ZC3H6: variants seen among roughly 807,000 people sequenced by gnomAD.
ZC3H6 encodes the protein zinc finger CCCH-type containing 6.
Under a neutral mutation model 107.7 loss-of-function variants are expected in ZC3H6, and 40 were observed. The ratio of observed to expected loss-of-function variants is 0.37; its 90% CI spans 0.29 to 0.48. The LOEUF (loss-of-function observed/expected upper bound fraction) is 0.48, where lower values mean the gene tolerates loss of function less well. Among genes scored for constraint, ZC3H6 ranks in the 20% least tolerant of loss-of-function variants. The pLI is 0.98. For missense variants in ZC3H6, 1,267 were observed against 1,410.4 expected (o/e 0.90, Z 1.63); for synonymous variants, 493 against 487.9 (o/e 1.01, Z -0.14).
At chr2:112,307,643 T>C (rs1343596538) in intron 3 of ZC3H6, among the ~76,000 whole-genome samples, 1 of 152,138 alleles carries the variant, frequency 6.6e-6, no homozygotes, top group Non-Finnish European at 1.5e-5. Flanking sequence ...CTTCATTCAT[T>C]TCATGCTTCC....
chr2:112,299,059 C>T (rs1309880276), intron 1 of ZC3H6, among the ~76,000 whole-genome samples: 4 of 151,990 alleles, frequency 2.6e-5, no homozygotes, highest in African/African-American at 4.8e-5. Flanking sequence ...AGGCAGATCA[C>T]GAGGTCAGGA....
At chr2:112,300,839 T>C (rs1676360274) in intron 2 of ZC3H6, among the ~76,000 whole-genome samples, 1 of 152,176 alleles carries the variant, frequency 6.6e-6, no homozygotes, top group Non-Finnish European at 1.5e-5. Flanking sequence ...GAACCTATGC[T>C]GACTGAGAAA....
At chr2:112,312,493 G>A (rs1360324090) in intron 5 of ZC3H6, among the ~76,000 whole-genome samples, 1 of 152,168 alleles carries the variant, frequency 6.6e-6, no homozygotes, top group East Asian at 1.9e-4. Context: ...CTGGATTACT[G>A]TGGTCCAATT....
rs1334858753 is a variant in ZC3H6, at chr2:112,299,999, A to C, written c.183A>C (p.Lys61Asn). 2.0e-6 allele frequency: 3 copies of C among 1,479,614 alleles called. No individual in the cohort carries two copies. 91.7% of individuals were successfully genotyped at this position (1,479,614 alleles called of 1,614,324 possible). The change falls in exon 2 of 12, where the codon AAA becomes AAC. Residue 61 changes from lysine to asparagine, a missense_variant. This residue lies in a region of ZC3H6 where 337 missense variants were observed against 361.2 expected (regional missense o/e 0.93). Coordinates refer to ENST00000409871, the MANE Select transcript of ZC3H6 (RefSeq NM_198581.3). ...KKHKKEREKK[K>N]SKRRKREKHK... ...ATAAGAAAGAGAGAGAGAAGAAAAA[A>C]TCCAAAAGGAGAAAACGTGAGAAAC... is the stretch of plus-strand genomic sequence containing the variant.
rs1677140384 is a variant in ZC3H6 at position 112,336,680 on chromosome 2, GT to G, written c.*4193del. On this transcript the variant is annotated 3_prime_UTR_variant, in exon 12 of 12. Coordinates refer to ENST00000409871, the MANE Select transcript of ZC3H6 (RefSeq NM_198581.3). The stretch of plus-strand genomic sequence containing the variant: ...TTGCTGGAGTTTTGTGTTTGAGTAT[GT>G]CATTTATGTCATTTATCAGCAGTAT... The G allele has an allele frequency of 6.6e-6, 1 of 152,088 alleles. No individual in the cohort carries two copies. Among genetic ancestry groups the G allele is most frequent in the African/African-American group, 2.4e-5 (1 of 41,404 alleles). The allele number at this position is 152,088 out of a possible 1,614,324, so 9.4% of individuals were successfully genotyped here.
intron 1 of ZC3H6, among the ~76,000 whole-genome samples, chr2:112,290,249 A>G (rs985203962): frequency 2.6e-5 from 4 of 152,252 alleles, no homozygotes; most frequent in African/African-American, 9.6e-5. Flanking sequence ...TTTATGACCC[A>G]GTGACACTGG....
At chr2:112,315,619 ACT>A (rs1676683253) in intron 5 of ZC3H6, among the ~76,000 whole-genome samples, 2 of 150,564 alleles carry the variant, frequency 1.3e-5, no homozygotes, top group African/African-American at 4.9e-5. Flanking sequence ...TGTTTGAGAC[ACT>A]CTCACTCTGT....
At position 112,324,323 on chromosome 2, in the gene ZC3H6, T is replaced by G; in HGVS notation, c.1512T>G (p.Cys504Trp). The G allele has an allele frequency of 1.9e-6, 3 of 1,614,036 alleles. No homozygotes were observed. The highest frequency in any genetic ancestry group is 2.5e-6 in the Non-Finnish European group (3 of 1,179,882). The change falls in exon 10 of 12, where the codon TGT (cysteine) becomes TGG (tryptophan). Residue 504 changes from cysteine (C) to tryptophan (W), a missense_variant. Transcript: ENST00000409871. ...CAGGCTCCCCTGGACATCACCCATGTGCAGGACCTCCTGGTCTACCAGTGC... is the reference window on the plus strand; with the variant it reads ...CAGGCTCCCCTGGACATCACCCATGGGCAGGACCTCCTGGTCTACCAGTGC... ...MHPGSPGHHP[C>W]AGPPGLPVPQ... is the part of the protein sequence containing the mutation.
At chr2:112,325,468 CAAAA>C (rs200796126) in intron 11 of ZC3H6, among the ~76,000 whole-genome samples, 1 of 144,904 alleles carries the variant, frequency 6.9e-6, no homozygotes, top group Non-Finnish European at 1.5e-5. Context: ...GACTCAGTCT[CAAAA>C]AAAAAAGGAT....
chr2:112,318,206 G>T (rs1157033097), intron 7 of ZC3H6, among the ~76,000 whole-genome samples: 1 of 152,106 alleles, frequency 6.6e-6, no homozygotes, highest in Non-Finnish European at 1.5e-5. Context: ...GTCAAAAAAT[G>T]GAACGATGTA....
At chr2:112,309,011 C>A (rs1310637976) in intron 3 of ZC3H6, among the ~76,000 whole-genome samples, 2 of 151,914 alleles carry the variant, frequency 1.3e-5, no homozygotes, top group Non-Finnish European at 2.9e-5. Context: ...AAGATCATGC[C>A]ACTGCACTCC....
Position 112,324,290 on chromosome 2 carries a change from G to A in ZC3H6, c.1479G>A (p.Val493=). ...TGTCTCAGGGACACAGTAGTCCTGT[G>A]ATGCACCCAGGCTCCCCTGGACATC... The part of the protein sequence containing the change: ...PNMSQGHSSP[V]MHPGSPGHHP... The change falls in exon 10 of 12, where the codon GTG becomes GTA. Residue 493 remains valine, a synonymous_variant. Coordinates refer to ENST00000409871, the MANE Select transcript of ZC3H6 (RefSeq NM_198581.3). 6.2e-7 allele frequency: 1 copy of A among 1,613,978 alleles called. No individual in the cohort carries two copies. Among genetic ancestry groups the A allele is most frequent in the Non-Finnish European group, 8.5e-7 (1 of 1,179,860 alleles).
rs1450363979 is a variant in ZC3H6, at chr2:112,334,258, T to C, written c.*1770T>C. 1 of 151,974 alleles carries C rather than the reference T, an allele frequency of 6.6e-6. No homozygotes were observed. The highest frequency in any genetic ancestry group is 1.5e-5 in the Non-Finnish European group (1 of 67,934). 9.4% of individuals were successfully genotyped at this position (151,974 alleles called of 1,614,324 possible). A position where few individuals can be genotyped will look rare whatever the true frequency, so the allele number is the denominator to read the frequency against. On this transcript the variant is annotated 3_prime_UTR_variant, in exon 12 of 12. Coordinates refer to ENST00000409871, the MANE Select transcript of ZC3H6 (RefSeq NM_198581.3). ...GGATTAAACTGACAGAAAAAAAACA[T>C]ATATATATATCCCAAGGTGTAATTT...
At position 112,331,589 on chromosome 2, in the gene ZC3H6, A is replaced by G; in HGVS notation, c.2671A>G (p.Lys891Glu). The change falls in exon 12 of 12, where the codon AAA becomes GAA. Residue 891 changes from lysine to glutamate, a missense_variant. Coordinates refer to ENST00000409871, the MANE Select transcript of ZC3H6 (RefSeq NM_198581.3). ...PEDLLPVPLP[K>E]PDPVSSINLP... ...AGACTTACTTCCAGTACCTTTACCT[A>G]AACCTGATCCAGTGTCTTCAATCAA... The G allele has an allele frequency of 6.2e-7, 1 of 1,613,920 alleles. No individual in the cohort carries two copies. Among genetic ancestry groups the G allele is most frequent in the Non-Finnish European group, 8.5e-7 (1 of 1,179,868 alleles).
Position 112,331,105 on chromosome 2 carries a change from T to C in ZC3H6, c.2187T>C (p.Asn729=), listed in dbSNP as rs373974816. The C allele has an allele frequency of 3.1e-6, 5 of 1,612,036 alleles. No individual in the cohort carries two copies. In the African/African-American group the frequency reaches 5.3e-5, roughly 17 times the overall value. Reference sequence around the variant, plus strand: ...AGAAACAAACAGAAACTTTAAGGAATCAGCAACAACCTTCCACAGAACTCA... The same window carrying C: ...AGAAACAAACAGAAACTTTAAGGAACCAGCAACAACCTTCCACAGAACTCA... The part of the protein sequence containing the change: ...TLQKQTETLR[N]QQQPSTELST... Residue 729 remains asparagine, a synonymous_variant, in exon 12 of 12, where the codon AAT becomes AAC. Coordinates refer to ENST00000409871, the MANE Select transcript of ZC3H6 (RefSeq NM_198581.3).
chr2:112,300,085 C>G, intron 2 of ZC3H6, 56 bp downstream of exon 2: 1 of 1,150,858 alleles, frequency 8.7e-7, no homozygotes, highest in Non-Finnish European at 1.1e-6. Context: ...ATATAAAATA[C>G]TGAAAATTAG....
In ZC3H6 at chr2:112,338,871, AT is replaced by A. The variant is rs1558961189; in HGVS notation, c.*6384del. ...TATATGTGTGTATATATATATATATATATATATATATATATATATATATATA... is the reference window on the plus strand; with the variant it reads ...TATATGTGTGTATATATATATATATAATATATATATATATATATATATATA... On this transcript the variant is annotated 3_prime_UTR_variant, in exon 12 of 12. Transcript: ENST00000409871. The A allele has an allele frequency of 9.7e-4, 12 of 12,346 alleles. 1 individual carries two copies. The African/African-American group carries it at 0.022, about 22-fold the overall frequency. The allele number at this position is 12,346 out of a possible 1,614,324, so 0.8% of individuals were successfully genotyped here.
At chr2:112,285,509 G>T (rs1398476362) in intron 1 of ZC3H6, among the ~76,000 whole-genome samples, 1 of 151,778 alleles carries the variant, frequency 6.6e-6, no homozygotes, top group Non-Finnish European at 1.5e-5. Flanking sequence ...GGCCCACAAC[G>T]CCACGCCCGG....
intron 11 of ZC3H6, among the ~76,000 whole-genome samples, chr2:112,326,406 A>C (rs1446801844): frequency 6.6e-6 from 1 of 152,034 alleles, no homozygotes; most frequent in Non-Finnish European, 1.5e-5. Flanking sequence ...TCTACTCTCT[A>C]TGTCCATGAG....
Sources: gnomAD v4.1 joint callset for allele counts (sites outside exome capture counted in the v4.1 genomes callset) on GRCh38, gnomAD v4.1.1 for gene constraint, gnomAD v4.1.1 regional missense constraint, MANE v1.5 for transcripts, NCBI Gene and HGNC (gene_info 2026-07-23, HGNC 2026-07-21) for gene names.